Variants in CEP164 observed in about 807,000 individuals in gnomAD.
CEP164 encodes the protein centrosomal protein 164.
In CEP164, 162 loss-of-function variants were observed where a neutral mutation model predicts 182.7. That is an observed-to-expected ratio of 0.89 (90% CI 0.78 to 1.01). CEP164 has a LOEUF of 1.01. Ranked by LOEUF, CEP164 falls within the 50% of genes least tolerant of loss-of-function variation. The pLI is 0.00. For synonymous variants in CEP164, 661 were observed against 690.0 expected (o/e 0.96, Z 0.66); for missense variants, 1,735 against 1,790.4 (o/e 0.97, Z 0.56).
At chr11:117,371,028 C>T in intron 8 of CEP164, 52 bp from the exon 9 acceptor site, 1 of 1,516,554 alleles carries the variant, frequency 6.6e-7, no homozygotes, top group Admixed American at 2.2e-5. Context: ...GTCTCAACTC[C>T]TTTTGCACAT....
chr11:117,343,978 G>A (rs746799107), intron 3 of CEP164, among the ~76,000 whole-genome samples, 188 bp from the exon 4 acceptor site: 12 of 152,094 alleles, frequency 7.9e-5, no homozygotes, highest in Non-Finnish European at 1.3e-4. Flanking sequence ...ATTGTGTGGA[G>A]ATAGCATGCT....
chr11:117,378,369 TC>T lies in CEP164; in HGVS notation c.1318-2242del, dbSNP rs1159122757. On this transcript the variant is annotated intron_variant, in intron 11 of 32. Transcript: ENST00000278935. ...ATCTATTTTCTCTTATCTTTTTTCT[TC>T]CCATAAAAATTGGGATTGTGCTACC... Among the ~76,000 whole-genome samples the T allele has an allele frequency of 2.0e-5, 3 of 152,230 alleles. No individual in the cohort carries two copies. The East Asian group carries it at 5.8e-4, about 29-fold the overall frequency.
chr11:117,377,334 A>G (rs1193333546), intron 11 of CEP164, among the ~76,000 whole-genome samples: 1 of 152,098 alleles, frequency 6.6e-6, no homozygotes, highest in East Asian at 1.9e-4. Flanking sequence ...TCAGGTGATA[A>G]TGTTTGCTTG....
At chr11:117,355,894 G>A in intron 5 of CEP164, 1 of 1,041,156 alleles carries the variant, frequency 9.6e-7, no homozygotes, top group Non-Finnish European at 1.2e-6. Context: ...CCCTTTTAGG[G>A]AGGGCTCCCG....
intron 12 of CEP164, among the ~76,000 whole-genome samples, chr11:117,381,236 C>T (rs541621205): frequency 6.1e-4 from 93 of 152,334 alleles, no homozygotes; most frequent in African/African-American, 2.0e-3. Context: ...CAAGGGCTGC[C>T]ACCCTAGAAG....
chr11:117,362,656 T>TCAG, intron 7 of CEP164, 118 bp downstream of exon 7: 1 of 1,155,558 alleles, frequency 8.7e-7, no homozygotes, highest in Non-Finnish European at 1.2e-6. Flanking sequence ...TTTTAACCAT[T>TCAG]TTAAAGTTAA....
chr11:117,358,798 G>C (rs180872036), intron 5 of CEP164, among the ~76,000 whole-genome samples: 6 of 152,068 alleles, frequency 3.9e-5, no homozygotes, highest in Non-Finnish European at 7.4e-5. Context: ...GCTTCCGAAA[G>C]TACTGGGGTT....
In CEP164 at chr11:117,387,288, G is replaced by C; in HGVS notation, c.1810G>C (p.Glu604Gln). The C allele has an allele frequency of 6.2e-7, 1 of 1,614,200 alleles. No homozygotes were observed. Among genetic ancestry groups the C allele is most frequent in the Non-Finnish European group, 8.5e-7 (1 of 1,180,034 alleles). Residue 604 changes from glutamate to glutamine, a missense_variant, in exon 15 of 33, where the codon GAG becomes CAG. Glu to Gln is a conservative substitution (Grantham distance 29). Coordinates refer to ENST00000278935, the MANE Select transcript of CEP164 (RefSeq NM_014956.5). Reference sequence around the variant, plus strand: ...GGAAGAGGCAGTGGCCCAAGTACTCGAGCAAGACCAGAGGCACCTGCTGGA... The same window carrying C: ...GGAAGAGGCAGTGGCCCAAGTACTCCAGCAAGACCAGAGGCACCTGCTGGA... ...AMEEAVAQVLEQDQRHLLESK... is the reference protein window; with the variant it reads ...AMEEAVAQVLQQDQRHLLESK...
At position 117,355,089 on chromosome 11, in the gene CEP164, G is replaced by A. The variant is rs1350291626; in HGVS notation, c.393+3101G>A. The A allele has an allele frequency of 2.3e-6, 3 of 1,289,682 alleles. No homozygotes were observed. In the East Asian group the frequency reaches 1.7e-4, roughly 71 times the overall value. The allele number at this position is 1,289,682 out of a possible 1,614,324, so 79.9% of individuals were successfully genotyped here. A position where few individuals can be genotyped will look rare whatever the true frequency, so the allele number is the denominator to read the frequency against. ...AAAGGAAAGAGCCCAGGCATGCTGG[G>A]TGACACTCCCTGGCGTTTCATGGGT... On this transcript the variant is annotated intron_variant, in intron 5 of 32. Coordinates refer to ENST00000278935, the MANE Select transcript of CEP164 (RefSeq NM_014956.5).
Position 117,409,250 on chromosome 11 carries a change from ACT to A in CEP164, c.3748+225_3748+226del, listed in dbSNP as rs944779011. 15 of 631,224 alleles carry A rather than the reference ACT, an allele frequency of 2.4e-5. No homozygotes were observed. In the African/African-American group the frequency reaches 2.4e-4, roughly 10 times the overall value. 39.1% of individuals were successfully genotyped at this position (631,224 alleles called of 1,614,324 possible). A position where few individuals can be genotyped will look rare whatever the true frequency, so the allele number is the denominator to read the frequency against. ...GGAAGCCCTCTGAATGCTGCAGAGC[ACT>A]CTACGGTGTGACCACTGGCCTTGCT... On this transcript the variant is annotated intron_variant, in intron 29 of 32. Coordinates refer to ENST00000278935, the MANE Select transcript of CEP164 (RefSeq NM_014956.5). This position sits in a 1 kb window ranked among gnomAD's most constrained non-coding sequence, Gnocchi z 4.4.
intron 27 of CEP164, among the ~76,000 whole-genome samples, chr11:117,398,244 G>A (rs1216569741): frequency 6.6e-6 from 1 of 152,240 alleles, no homozygotes; most frequent in African/African-American, 2.4e-5. Flanking sequence ...TGATGCAAGA[G>A]GTAGGTTCTC....
At chr11:117,392,705 C>T in intron 19 of CEP164, 78 bp downstream of exon 19, 1 of 1,543,164 alleles carries the variant, frequency 6.5e-7, no homozygotes, top group Non-Finnish European at 8.8e-7. Flanking sequence ...GGCCTAGCCT[C>T]AGCGGCCTCC....
chr11:117,358,372 G>A (rs975348022), intron 5 of CEP164, among the ~76,000 whole-genome samples: 1 of 151,788 alleles, frequency 6.6e-6, no homozygotes, highest in African/African-American at 2.4e-5. Flanking sequence ...CAGCATGTTA[G>A]CAAATTAGCC....
intron 15 of CEP164, among the ~76,000 whole-genome samples, chr11:117,389,521 G>A (rs1162548146): frequency 2.0e-5 from 3 of 152,182 alleles, no homozygotes; most frequent in African/African-American, 4.8e-5. Flanking sequence ...GACTTGCAAG[G>A]AAAACAGAGA....
intron 5 of CEP164, among the ~76,000 whole-genome samples, chr11:117,352,322 G>T (rs1307485744): frequency 1.3e-5 from 2 of 152,122 alleles, no homozygotes; most frequent in Non-Finnish European, 2.9e-5. Context: ...GGAGAGTGGG[G>T]ACTGAAAGCA....
chr11:117,335,633 T>G lies in CEP164; in HGVS notation c.-69T>G, dbSNP rs556461737. On this transcript the variant is annotated 5_prime_UTR_variant, in exon 2 of 33. Transcript: ENST00000278935. ...AAATAACTTTATTTGGACTGAGAGCTGGAGAATGAGAATAGGACCTGAGAG... is the reference window on the plus strand; with the variant it reads ...AAATAACTTTATTTGGACTGAGAGCGGGAGAATGAGAATAGGACCTGAGAG... 6.6e-6 allele frequency: 1 copy of G among 150,852 alleles called. No homozygotes were observed. Among genetic ancestry groups the G allele is most frequent in the East Asian group, 2.0e-4 (1 of 5,108 alleles). 9.3% of individuals were successfully genotyped at this position (150,852 alleles called of 1,614,324 possible).
intron 4 of CEP164, among the ~76,000 whole-genome samples, chr11:117,347,819 C>G (rs1314447595): frequency 6.6e-6 from 1 of 151,986 alleles, no homozygotes; most frequent in African/African-American, 2.4e-5. Flanking sequence ...ACAATACTTT[C>G]AACCCATGAA....
rs2044893024 is a variant in CEP164, at chr11:117,393,042, A to AGGGG, written c.2533_2536dup (p.Glu846GlyfsTer4). 1 of 1,613,566 alleles carries AGGGG rather than the reference A, an allele frequency of 6.2e-7. No individual in the cohort carries two copies. The highest frequency in any genetic ancestry group is 8.5e-7 in the Non-Finnish European group (1 of 1,179,850). ...TGCGAGAGAAGCGCCAGGAAGTGGA[A>AGGGG]GGGGAGCATGAGAGGAGGTTGGACA... is the stretch of plus-strand genomic sequence containing the variant. On this transcript the variant is annotated frameshift_variant, in exon 20 of 33. Coordinates refer to ENST00000278935, the MANE Select transcript of CEP164 (RefSeq NM_014956.5). LOFTEE classifies it high-confidence loss of function.
In CEP164 at chr11:117,391,075, G is replaced by A. The variant is rs144809767; in HGVS notation, c.2143G>A (p.Glu715Lys). 3 of 1,614,036 alleles carry A rather than the reference G, an allele frequency of 1.9e-6. No homozygotes were observed. In the African/African-American group the frequency reaches 4.0e-5, roughly 22 times the overall value. ...ACAGAAGGCTGAGAGGGCCAGCTTG[G>A]AACAGAAAAATAGGCAAATGCTGGA... ...SQQKAERASL[E>K]QKNRQMLEQL... Residue 715 changes from glutamate (E) to lysine (K), a missense_variant, in exon 17 of 33, where the codon GAA (glutamate) becomes AAA (lysine). Transcript: ENST00000278935.
Sources: allele counts gnomAD v4.1 joint callset (sites outside exome capture counted in the v4.1 genomes callset), GRCh38; gene constraint gnomAD v4.1.1; non-coding constraint Gnocchi (gnomAD v3.1); transcripts MANE v1.5; gene names NCBI Gene and HGNC (gene_info 2026-07-23, HGNC 2026-07-21).